CPEB4: variants seen among roughly 807,000 people sequenced by gnomAD.
CPEB4 encodes cytoplasmic polyadenylation element binding protein 4, also known as cytoplasmic polyadenylation element-binding protein 4.
CPEB4 carries 12 observed loss-of-function variants against 72.5 expected under a neutral mutation model. The ratio of observed to expected loss-of-function variants is 0.17; its 90% CI spans 0.11 to 0.27. The LOEUF (loss-of-function observed/expected upper bound fraction) is 0.27. CPEB4 is among the 10% of genes least tolerant of loss of function. CPEB4 has a pLI of 1.00. For missense variants in CPEB4, 614 were observed against 908.5 expected (o/e 0.68, Z 4.17); for synonymous variants, 302 against 326.3 (o/e 0.93, Z 0.80).
chr5:173,896,566 A>G (rs1466571743), intron 1 of CPEB4, among the ~76,000 whole-genome samples: 1 of 152,248 alleles, frequency 6.6e-6, no homozygotes, highest in Non-Finnish European at 1.5e-5. Flanking sequence ...TGTGAGCCCA[A>G]AAATGTAGAG....
At position 173,900,453 on chromosome 5, in the gene CPEB4, C is replaced by T. The variant is rs1756190746; in HGVS notation, c.1125+9595C>T. On this transcript the variant is annotated intron_variant, in intron 1 of 9. Transcript: ENST00000265085. This position sits in a 1 kb window ranked among gnomAD's most constrained non-coding sequence, Gnocchi z 4.4. ...TAGGGTGGACCCCTCTCCCTGCTGA[C>T]GCCGGACCCTGCTCAGACCTAGCAG... 6.6e-6 allele frequency among the ~76,000 whole-genome samples: 1 copy of T among 152,060 alleles called. No individual in the cohort carries two copies. Among genetic ancestry groups the T allele is most frequent in the African/African-American group, 2.4e-5 (1 of 41,500 alleles).
At chr5:173,898,492 T>C (rs1198765310) in intron 1 of CPEB4, among the ~76,000 whole-genome samples, 2 of 152,244 alleles carry the variant, frequency 1.3e-5, no homozygotes, top group Non-Finnish European at 2.9e-5. Flanking sequence ...CTTTATTTTC[T>C]CATTTCTTTT....
intron 2 of CPEB4, among the ~76,000 whole-genome samples, chr5:173,912,626 A>C (rs983692817): frequency 7.0e-6 from 1 of 143,548 alleles, no homozygotes; most frequent in African/African-American, 2.6e-5. Context: ...TAATAAAATA[A>C]TTTTTTTTTT....
At chr5:173,904,474 G>A (rs1046888921) in intron 1 of CPEB4, among the ~76,000 whole-genome samples, 1 of 152,110 alleles carries the variant, frequency 6.6e-6, no homozygotes, top group Non-Finnish European at 1.5e-5. Flanking sequence ...CTCTTCTTAT[G>A]GTTTTAGTAC....
At chr5:173,937,019 CTTTTTTTTTT>C (rs150187685) in intron 3 of CPEB4, among the ~76,000 whole-genome samples, 2 of 97,214 alleles carry the variant, frequency 2.1e-5, no homozygotes, top group East Asian at 5.3e-4. Flanking sequence ...CATTTCTTTC[CTTTTTTTTTT>C]TTTTTTTTTT....
intron 8 of CPEB4, among the ~76,000 whole-genome samples, chr5:173,952,153 G>T (rs1581170493): frequency 1.3e-5 from 2 of 151,976 alleles, no homozygotes; most frequent in African/African-American, 2.4e-5. Context: ...TGTCAAGTAG[G>T]GATGAAAAGC....
At position 173,890,766 on chromosome 5, in the gene CPEB4, C is replaced by T; in HGVS notation, c.1033C>T (p.Leu345Phe). 1 of 1,614,210 alleles carries T rather than the reference C, an allele frequency of 6.2e-7. No individual in the cohort carries two copies. Among genetic ancestry groups the T allele is most frequent in the Non-Finnish European group, 8.5e-7 (1 of 1,180,048 alleles). The change falls in exon 1 of 10, where the codon CTC becomes TTC. Residue 345 changes from leucine (L) to phenylalanine (F), a missense_variant. By Grantham distance (22) the Leu-to-Phe change is conservative. Around this residue, in one of 5 missense-constraint regions of CPEB4, gnomAD observed 458 missense variants for 548.6 expected, o/e 0.83. Coordinates refer to ENST00000265085, the MANE Select transcript of CPEB4 (RefSeq NM_030627.4). ...KKNFASNHIQLQKYARPSSAF... is the reference protein window; with the variant it reads ...KKNFASNHIQFQKYARPSSAF... ...AAATTTTGCAAGCAATCATATTCAG[C>T]TCCAGAAGTATGCTCGCCCCAGCTC... is the stretch of plus-strand genomic sequence containing the variant.
intron 2 of CPEB4, among the ~76,000 whole-genome samples, chr5:173,912,617 A>G (rs2113181072): frequency 6.6e-6 from 1 of 151,032 alleles, no homozygotes; most frequent in African/African-American, 2.4e-5. Flanking sequence ...GTCTTTATAT[A>G]ATAAAATAAT....
intron 2 of CPEB4, among the ~76,000 whole-genome samples, chr5:173,927,710 G>A (rs1025911896): frequency 2.0e-5 from 3 of 151,714 alleles, no homozygotes; most frequent in African/African-American, 7.3e-5. Flanking sequence ...CCAGGAAGCA[G>A]AGGTTGCAGT....
intron 1 of CPEB4, among the ~76,000 whole-genome samples, chr5:173,907,873 C>A (rs1381308802): frequency 6.6e-6 from 1 of 152,216 alleles, no homozygotes; most frequent in African/African-American, 2.4e-5. Context: ...CTTGGCGCAC[C>A]ATCACCCTGT....
At chr5:173,949,068 A>G (rs1319024253) in intron 5 of CPEB4, among the ~76,000 whole-genome samples, 1 of 152,242 alleles carries the variant, frequency 6.6e-6, no homozygotes, top group Admixed American at 6.5e-5. Flanking sequence ...CTCTGAGGAT[A>G]TGATAATTAA....
intron 1 of CPEB4, among the ~76,000 whole-genome samples, chr5:173,893,861 C>G (rs1755905312): frequency 6.6e-6 from 1 of 152,104 alleles, no homozygotes; most frequent in Non-Finnish European, 1.5e-5. Context: ...ATAATCCTCC[C>G]CCCCAATAAC....
intron 1 of CPEB4, among the ~76,000 whole-genome samples, chr5:173,896,401 A>AT (rs1756014009): frequency 6.6e-6 from 1 of 152,192 alleles, no homozygotes; most frequent in Non-Finnish European, 1.5e-5. Context: ...ATTCCCATCC[A>AT]TTTTTTCTCA....
In CPEB4 at chr5:173,900,424, A is replaced by G. The variant is rs1057119570; in HGVS notation, c.1125+9566A>G. ...CTGTCTCAAAAAAAAAAAAAGTTGT[A>G]CATTAGGGTGGACCCCTCTCCCTGC... On this transcript the variant is annotated intron_variant, in intron 1 of 9. Coordinates refer to ENST00000265085, the MANE Select transcript of CPEB4 (RefSeq NM_030627.4). This position sits in a 1 kb window ranked among gnomAD's most constrained non-coding sequence, Gnocchi z 4.4. Among the ~76,000 whole-genome samples, 1 of 151,850 alleles carries G rather than the reference A, an allele frequency of 6.6e-6. No individual in the cohort carries two copies. Among genetic ancestry groups the G allele is most frequent in the Non-Finnish European group, 1.5e-5 (1 of 67,958 alleles).
chr5:173,921,343 C>T (rs1472304776), intron 2 of CPEB4, among the ~76,000 whole-genome samples: 1 of 151,970 alleles, frequency 6.6e-6, no homozygotes, highest in African/African-American at 2.4e-5. Context: ...AGAGAACTTC[C>T]CTAATTTTTC....
At chr5:173,905,289 T>G (rs1561609112) in intron 1 of CPEB4, among the ~76,000 whole-genome samples, 2 of 152,008 alleles carry the variant, frequency 1.3e-5, no homozygotes, top group Admixed American at 1.3e-4. Flanking sequence ...AGATTTTTTT[T>G]GAAAGAAGCT....
Position 173,910,595 on chromosome 5 carries a change from A to G in CPEB4, c.1198A>G (p.Thr400Ala), listed in dbSNP as rs753884175. Residue 400 changes from threonine (T) to alanine (A), a missense_variant, in exon 2 of 10, where the codon ACC becomes GCC. Thr to Ala is a moderately conservative substitution (Grantham distance 58, BLOSUM62 0). This residue lies in a region of CPEB4 where 458 missense variants were observed against 548.6 expected (regional missense o/e 0.83). Transcript: ENST00000265085. ...LIDIMRAEND[T>A]IKGRLNYSYP... ...TGACATAATGAGAGCTGAAAATGAT[A>G]CCATTAAAGGTAAGTTTAGAAATAT... 19 of 1,598,876 alleles carry G rather than the reference A, an allele frequency of 1.2e-5. No individual in the cohort carries two copies. Among genetic ancestry groups the G allele is most frequent in the Middle Eastern group, 1.7e-4 (1 of 6,038 alleles).
At chr5:173,903,605 A>T (rs1364248435) in intron 1 of CPEB4, among the ~76,000 whole-genome samples, 1 of 152,188 alleles carries the variant, frequency 6.6e-6, no homozygotes, top group Admixed American at 6.5e-5. Context: ...ACTCTCAAGT[A>T]TGAGAAACGC....
Position 173,888,903 on chromosome 5 carries a change from A to G in CPEB4, c.-831A>G, listed in dbSNP as rs1038238901. The G allele has an allele frequency of 5.0e-6, 1 of 199,354 alleles. No homozygotes were observed. Among genetic ancestry groups the G allele is most frequent in the African/African-American group, 2.3e-5 (1 of 43,394 alleles). 12.3% of individuals were successfully genotyped at this position (199,354 alleles called of 1,614,324 possible). A position where few individuals can be genotyped will look rare whatever the true frequency, so the allele number is the denominator to read the frequency against. On this transcript the variant is annotated 5_prime_UTR_variant, in exon 1 of 10. Coordinates refer to ENST00000265085, the MANE Select transcript of CPEB4 (RefSeq NM_030627.4). This position sits in a 1 kb window ranked among gnomAD's most constrained non-coding sequence, Gnocchi z 4.3. ...ATCCCTCCTGATCGCGACCCCCGCAAGAGGGAGAAACGGGTGTTTCCAACC... is the reference window on the plus strand; with the variant it reads ...ATCCCTCCTGATCGCGACCCCCGCAGGAGGGAGAAACGGGTGTTTCCAACC...
Sources: gnomAD v4.1 joint callset for allele counts (sites outside exome capture counted in the v4.1 genomes callset) on GRCh38, gnomAD v4.1.1 for gene constraint, gnomAD v4.1.1 regional missense constraint, Gnocchi (gnomAD v3.1) non-coding constraint, MANE v1.5 for transcripts, NCBI Gene and HGNC (gene_info 2026-07-23, HGNC 2026-07-21) for gene names.